CORIN: variants seen among roughly 807,000 people sequenced by gnomAD.
The protein encoded by CORIN is atrial natriuretic peptide-converting enzyme.
In CORIN, 117 loss-of-function variants were observed where a neutral mutation model predicts 125.3. The observed-to-expected ratio is 0.93, with a 90% CI of 0.80 to 1.09. CORIN has a LOEUF of 1.09. CORIN is among the 50% of genes least tolerant of loss of function. The pLI is 0.00. For missense variants in CORIN, 1,253 were observed against 1,306.7 expected, an observed-to-expected ratio of 0.96 and a Z score of 0.63; for synonymous variants, 450 against 466.4, an observed-to-expected ratio of 0.96 and a Z score of 0.45.
chr4:47,641,738 C>A (rs1723237058), intron 16 of CORIN, among the ~76,000 whole-genome samples, 182 bp downstream of exon 16: 1 of 152,196 alleles, frequency 6.6e-6, no homozygotes. Context: ...ATTTCCAGCA[C>A]ACACTCTTCA....
chr4:47,715,299 T>A (rs748078126), intron 5 of CORIN, among the ~76,000 whole-genome samples: 1 of 152,190 alleles, frequency 6.6e-6, no homozygotes, highest in Non-Finnish European at 1.5e-5. Flanking sequence ...ATCCTTAAAG[T>A]CAGAATCAAA....
Position 47,762,753 on chromosome 4 carries a change from T to G in CORIN, c.617+626A>C, listed in dbSNP as rs116170398. Among the ~76,000 whole-genome samples, 919 of 152,314 alleles carry G rather than the reference T, an allele frequency of 6.0e-3. 9 individuals carry two copies. Among genetic ancestry groups the G allele is most frequent in the African/African-American group, 0.021 (857 of 41,560 alleles). ...ATTATGCACCCTTGTCCTCTGGTTG[T>G]GGATGAGTTCATTTGATGAGAGGCA... On this transcript the variant is annotated intron_variant, in intron 4 of 21. Transcript: ENST00000273857.
At chr4:47,692,126 T>C (rs1725800718) in intron 6 of CORIN, among the ~76,000 whole-genome samples, 1 of 152,168 alleles carries the variant, frequency 6.6e-6, no homozygotes, top group Non-Finnish European at 1.5e-5. Context: ...CAAGCACTTA[T>C]TACATCTTGG....
chr4:47,784,232 G>T (rs950125306), intron 3 of CORIN, among the ~76,000 whole-genome samples: 1 of 152,124 alleles, frequency 6.6e-6, no homozygotes, highest in Non-Finnish European at 1.5e-5. Flanking sequence ...TGAAATGTAT[G>T]GAAAGCTATC....
rs188653156 is a variant in CORIN at position 47,718,186 on chromosome 4, A to T, written c.800-25103T>A. ...CCAAAAGTCTATTTTCTTTCCTCCA[A>T]TAAACATTAGGATTAGCCTACTTAT... On this transcript the variant is annotated intron_variant, in intron 5 of 21. Coordinates refer to ENST00000273857, the MANE Select transcript of CORIN (RefSeq NM_006587.4). Among the ~76,000 whole-genome samples the T allele has an allele frequency of 2.4e-4, 36 of 152,326 alleles. No homozygotes were observed. The East Asian group carries it at 6.6e-3, about 28-fold the overall frequency.
chr4:47,728,837 C>G (rs535407253), intron 5 of CORIN, among the ~76,000 whole-genome samples: 1 of 152,298 alleles, frequency 6.6e-6, no homozygotes, highest in South Asian at 2.1e-4. Context: ...AACCTATGAT[C>G]TTGAGCTTCT....
chr4:47,822,866 A>G (rs1353781988), intron 1 of CORIN, among the ~76,000 whole-genome samples: 1 of 149,238 alleles, frequency 6.7e-6, no homozygotes, highest in African/African-American at 2.5e-5. Flanking sequence ...GCCAGGCTGG[A>G]GTGCAGTGGT....
chr4:47,667,456 G>A (rs574253373), intron 10 of CORIN, among the ~76,000 whole-genome samples: 20 of 152,238 alleles, frequency 1.3e-4, no homozygotes, highest in Admixed American at 6.5e-4. Context: ...GGTAAAATTC[G>A]CCCAGGCAGA....
At chr4:47,690,903 A>G (rs1369535022) in intron 6 of CORIN, among the ~76,000 whole-genome samples, 1 of 152,232 alleles carries the variant, frequency 6.6e-6, no homozygotes, top group African/African-American at 2.4e-5. Context: ...ACAATTGCAT[A>G]AGAAGCCTTC....
At chr4:47,712,662 G>C (rs1037009399) in intron 5 of CORIN, among the ~76,000 whole-genome samples, 5 of 151,962 alleles carry the variant, frequency 3.3e-5, no homozygotes, top group Admixed American at 3.3e-4. Context: ...ACACAGAGAG[G>C]GATAAGAGAT....
rs1336477180 is a variant in CORIN at position 47,798,395 on chromosome 4, T to G, written c.208+8508A>C. ...CTTTTGAAGCTAGAGCTCCTGTTAT[T>G]TATACACCACTGATATCTCAGCATC... On this transcript the variant is annotated intron_variant, in intron 2 of 21. Coordinates refer to ENST00000273857, the MANE Select transcript of CORIN (RefSeq NM_006587.4). Among the ~76,000 whole-genome samples, 4 of 152,268 alleles carry G rather than the reference T, an allele frequency of 2.6e-5. No homozygotes were observed. In the East Asian group the frequency reaches 7.7e-4, roughly 29 times the overall value.
chr4:47,753,416 A>G (rs1196988908), intron 4 of CORIN, among the ~76,000 whole-genome samples: 1 of 152,172 alleles, frequency 6.6e-6, no homozygotes, highest in African/African-American at 2.4e-5. Flanking sequence ...GTCTGACCTC[A>G]ACTTTACCAG....
At chr4:47,808,747 A>G (rs1052957289) in intron 1 of CORIN, among the ~76,000 whole-genome samples, 1 of 152,230 alleles carries the variant, frequency 6.6e-6, no homozygotes, top group Non-Finnish European at 1.5e-5. Flanking sequence ...CTTACCTACA[A>G]AAAAATCAAT....
chr4:47,829,019 A>G (rs1476938417), intron 1 of CORIN, among the ~76,000 whole-genome samples: 4 of 151,884 alleles, frequency 2.6e-5, no homozygotes, highest in South Asian at 4.2e-4. Flanking sequence ...TTAGCCGGGC[A>G]TGGTGGTGGG....
rs553825142 is a variant in CORIN, at chr4:47,705,204, A to G, written c.800-12121T>C. Among the ~76,000 whole-genome samples the G allele has an allele frequency of 2.0e-5, 3 of 152,296 alleles. No individual in the cohort carries two copies. In the South Asian group the frequency reaches 6.2e-4, roughly 32 times the overall value. The stretch of plus-strand genomic sequence containing the variant: ...GTTTATCAGAGCTCCTTGTGTTGCA[A>G]TTATTTTCTCCCAGTGTTTCCTGTA... On this transcript the variant is annotated intron_variant, in intron 5 of 21. Coordinates refer to ENST00000273857, the MANE Select transcript of CORIN (RefSeq NM_006587.4).
At chr4:47,672,544 C>T (rs548559010) in intron 10 of CORIN, among the ~76,000 whole-genome samples, 1 of 151,956 alleles carries the variant, frequency 6.6e-6, no homozygotes, top group African/African-American at 2.4e-5. Flanking sequence ...AAGGAAATCG[C>T]TCTGAAAAAT....
At chr4:47,739,403 T>C (rs1728281207) in intron 5 of CORIN, among the ~76,000 whole-genome samples, 2 of 152,018 alleles carry the variant, frequency 1.3e-5, no homozygotes, top group Admixed American at 1.3e-4. Context: ...ATATTCAAAG[T>C]GCTGAAAATA....
intron 21 of CORIN, among the ~76,000 whole-genome samples, chr4:47,597,257 C>T (rs1312796403): frequency 6.6e-6 from 1 of 150,480 alleles, no homozygotes; most frequent in African/African-American, 2.4e-5. Flanking sequence ...GAGGCTGAGG[C>T]AGGAGAATCC....
intron 5 of CORIN, among the ~76,000 whole-genome samples, chr4:47,698,839 G>C (rs990246503): frequency 2.0e-5 from 3 of 152,102 alleles, no homozygotes; most frequent in African/African-American, 7.2e-5. Flanking sequence ...AATTTTTACT[G>C]TACCTTTTCT....
Sources: allele counts gnomAD v4.1 joint callset (sites outside exome capture counted in the v4.1 genomes callset), GRCh38; gene constraint gnomAD v4.1.1; transcripts MANE v1.5; gene names NCBI Gene and HGNC (gene_info 2026-07-23, HGNC 2026-07-21).